Variants in ZNF112 observed in about 807,000 individuals in gnomAD.
ZNF112 encodes zinc finger protein 112.
ZNF112 carries 37 observed loss-of-function variants against 77.7 expected under a neutral mutation model. The observed-to-expected ratio is 0.48, with a 90% CI of 0.37 to 0.63. The LOEUF is 0.63. Ranked by LOEUF, ZNF112 falls within the 20% of genes least tolerant of loss-of-function variation. The probability of loss-of-function intolerance (pLI) is 0.00; values close to 1 mark genes in which losing one functional copy is unlikely to be tolerated. For missense variants in ZNF112, 950 were observed against 1,077.4 expected (o/e 0.88, Z 1.66); for synonymous variants, 333 against 363.6 (o/e 0.92, Z 0.96).
chr19:44,366,746 T>C (rs188040529), intron 1 of ZNF112, among the ~76,000 whole-genome samples: 1 of 151,462 alleles, frequency 6.6e-6, no homozygotes, highest in Non-Finnish European at 1.5e-5. Flanking sequence ...GGAACTCTGA[T>C]TTCTTCCCAG....
chr19:44,331,159 A>G (rs1333234798), intron 3 of ZNF112, among the ~76,000 whole-genome samples: 1 of 152,226 alleles, frequency 6.6e-6, no homozygotes, highest in Non-Finnish European at 1.5e-5. Flanking sequence ...TTTTCAAAAG[A>G]TATTTCACAA....
chr19:44,358,130 C>T (rs1212943441), upstream of ZNF112, among the ~76,000 whole-genome samples: 12 of 126,844 alleles, frequency 9.5e-5, no homozygotes, highest in Middle Eastern at 5.6e-3. Flanking sequence ...CCAGCCTGGG[C>T]AACAGAGCGA....
At chr19:44,336,853 A>T in intron 2 of ZNF112, 135 bp from the exon 3 acceptor site, 1 of 628,524 alleles carries the variant, frequency 1.6e-6, no homozygotes, top group Non-Finnish European at 2.8e-6. Flanking sequence ...TCCACTCACT[A>T]TAAGAAACTA....
chr19:44,353,930 G>C (rs1970737591), intron 1 of ZNF112, among the ~76,000 whole-genome samples: 1 of 152,000 alleles, frequency 6.6e-6, no homozygotes, highest in Non-Finnish European at 1.5e-5. Context: ...GTTTATATCA[G>C]CTCTATTCAT....
Position 44,328,107 on chromosome 19 carries a change from C to G in ZNF112, c.2050G>C (p.Glu684Gln). 1 of 1,614,038 alleles carries G rather than the reference C, an allele frequency of 6.2e-7. No individual in the cohort carries two copies. The highest frequency in any genetic ancestry group is 8.5e-7 in the Non-Finnish European group (1 of 1,179,994). Reference sequence around the variant, plus strand: ...CACTCATCACATTGGTATGGCTTCTCTCCCGTGTGGACCCTCTGATGGGCC... The same window carrying G: ...CACTCATCACATTGGTATGGCTTCTGTCCCGTGTGGACCCTCTGATGGGCC... ...LLAHQRVHTGEKPYQCDECGK... is the reference protein window; with the variant it reads ...LLAHQRVHTGQKPYQCDECGK... The change falls in exon 4 of 4, where the codon GAG becomes CAG. Residue 684 changes from glutamate to glutamine, a missense_variant. Transcript: ENST00000354340.
chr19:44,345,187 G>A (rs1185324535), intron 1 of ZNF112, among the ~76,000 whole-genome samples: 1 of 152,136 alleles, frequency 6.6e-6, no homozygotes, highest in South Asian at 2.1e-4. Context: ...AATCCCCCAG[G>A]TGACTACAGT....
Position 44,327,266 on chromosome 19 carries a change from A to C in ZNF112, c.*167T>G. The C allele has an allele frequency of 1.7e-6, 1 of 593,512 alleles. No homozygotes were observed. The highest frequency in any genetic ancestry group is 2.9e-6 in the Non-Finnish European group (1 of 344,154). The allele number at this position is 593,512 out of a possible 1,614,324, so 36.8% of individuals were successfully genotyped here. A position where few individuals can be genotyped will look rare whatever the true frequency, so the allele number is the denominator to read the frequency against. ...TGCAATGACTGATGTTAAAGTTCTA[A>C]CAAAATCCCTCGTGAAACCCCTCTC... On this transcript the variant is annotated 3_prime_UTR_variant, in exon 4 of 4. Transcript: ENST00000354340.
intron 2 of ZNF112, among the ~76,000 whole-genome samples, chr19:44,339,153 C>G (rs935440425): frequency 6.6e-6 from 1 of 152,124 alleles, no homozygotes; most frequent in Non-Finnish European, 1.5e-5. Flanking sequence ...GTCCTGAGAA[C>G]AGGTAAGAGA....
At chr19:44,337,918 G>A (rs1168717358) in intron 2 of ZNF112, among the ~76,000 whole-genome samples, 2 of 134,500 alleles carry the variant, frequency 1.5e-5, no homozygotes, top group African/African-American at 5.5e-5. Flanking sequence ...ATAGATCATA[G>A]ATACTACAGT....
rs1316850015 is a variant in ZNF112 at position 44,328,511 on chromosome 19, C to A, written c.1646G>T (p.Cys549Phe). The A allele has an allele frequency of 6.3e-7, 1 of 1,597,566 alleles. No individual in the cohort carries two copies. Among genetic ancestry groups the A allele is most frequent in the Admixed American group, 1.7e-5 (1 of 59,052 alleles). ...RVHTGEKPYK[C>F]EECDKGFSRS... The stretch of plus-strand genomic sequence containing the variant: ...ACTGAATCCCTTATCACATTCCTCG[C>A]ATTTATAAGGTTTCTCTCCTGTGTG... The change falls in exon 4 of 4, where the codon TGC (cysteine) becomes TTC (phenylalanine). Residue 549 changes from cysteine to phenylalanine, a missense_variant. Cys to Phe is a radical substitution (Grantham distance 205, BLOSUM62 -2). Coordinates refer to ENST00000354340, the MANE Select transcript of ZNF112 (RefSeq NM_013380.4).
Position 44,328,754 on chromosome 19 carries a change from T to A in ZNF112, c.1403A>T (p.Tyr468Phe). Residue 468 changes from tyrosine (Y) to phenylalanine (F), a missense_variant, in exon 4 of 4, where the codon TAT (tyrosine) becomes TTT (phenylalanine). Around this residue, in one of 3 missense-constraint regions of ZNF112, gnomAD observed 560 missense variants for 557.3 expected, o/e 1.00. Coordinates refer to ENST00000354340, the MANE Select transcript of ZNF112 (RefSeq NM_013380.4). ...ATGGCTGAAGCTGTTACTACACACATAGCGTTTATATGGTTGTTCCTTAGT... is the reference window on the plus strand; with the variant it reads ...ATGGCTGAAGCTGTTACTACACACAAAGCGTTTATATGGTTGTTCCTTAGT... ...VHTKEQPYKR[Y>F]VCSNSFSHNL... The A allele has an allele frequency of 6.2e-7, 1 of 1,614,074 alleles. No homozygotes were observed.
At chr19:44,342,022 G>T in intron 1 of ZNF112, among the ~76,000 whole-genome samples, 1 of 149,990 alleles carries the variant, frequency 6.7e-6, no homozygotes, top group East Asian at 2.1e-4. Context: ...TCTTAACAGT[G>T]CAAACGACTC....
At chr19:44,360,600 TC>T (rs1358116351), upstream of ZNF112, among the ~76,000 whole-genome samples, 1 of 152,216 alleles carries the variant, frequency 6.6e-6, no homozygotes, top group Non-Finnish European at 1.5e-5. Context: ...TGCCAACTAA[TC>T]TAATTAATTT....
In ZNF112 at chr19:44,329,404, G is replaced by C. The variant is rs376611205; in HGVS notation, c.753C>G (p.Pro251=). The part of the protein sequence containing the change: ...NQESIQTEEK[P]YPCTGYRKAF... ...CTTTTCTATACCCAGTACATGGATA[G>C]GGCTTCTCCTCTGTTTGAATTGACT... Residue 251 remains proline (P), a synonymous_variant, in exon 4 of 4, where the codon CCC becomes CCG. Coordinates refer to ENST00000354340, the MANE Select transcript of ZNF112 (RefSeq NM_013380.4). The C allele has an allele frequency of 5.1e-5, 83 of 1,613,992 alleles. No individual in the cohort carries two copies. The highest frequency in any genetic ancestry group is 4.7e-4 in the East Asian group (21 of 44,862).
Position 44,328,602 on chromosome 19 carries a change from A to G in ZNF112, c.1555T>C (p.Tyr519His), listed in dbSNP as rs553591871. Residue 519 changes from tyrosine (Y) to histidine (H), a missense_variant, in exon 4 of 4, where the codon TAC (tyrosine) becomes CAC (histidine). Tyr to His is a moderately conservative substitution (Grantham distance 83, BLOSUM62 2). Coordinates refer to ENST00000354340, the MANE Select transcript of ZNF112 (RefSeq NM_013380.4). ...HQRVHTGQKP[Y>H]KCNICGKGFN... is the part of the protein sequence containing the mutation. ...CCTTTGCCGCATATATTGCATTTGT[A>G]TGGCTTCTGTCCAGTGTGGACTCTC... The G allele has an allele frequency of 6.0e-5, 97 of 1,614,062 alleles. No individual in the cohort carries two copies. Among genetic ancestry groups the G allele is most frequent in the Non-Finnish European group, 7.7e-5 (91 of 1,180,004 alleles).
In ZNF112 at chr19:44,340,516, A is replaced by G; in HGVS notation, c.24T>C (p.Ala8=). Residue 8 remains alanine, a synonymous_variant, in exon 2 of 4, where the codon GCT becomes GCC. Coordinates refer to ENST00000354340, the MANE Select transcript of ZNF112 (RefSeq NM_013380.4). ...CCAGCTCCTCCTCAGTGAAGACCAC[A>G]GCAACATCCTTGAATGTCACCATCT... The part of the protein sequence containing the change: MVTFKDV[A]VVFTEEELGL... The G allele has an allele frequency of 6.2e-7, 1 of 1,614,082 alleles. No homozygotes were observed. Among genetic ancestry groups the G allele is most frequent in the Non-Finnish European group, 8.5e-7 (1 of 1,179,976 alleles).
At position 44,354,701 on chromosome 19, in the gene ZNF112, T is replaced by C. The variant is rs574396638; in HGVS notation, c.-4+1925A>G. Reference sequence around the variant, plus strand: ...AAACCCTTAACAACCTTGTACGATGTGCTGGGCACATGGAGAAAAGTATGA... The same window carrying C: ...AAACCCTTAACAACCTTGTACGATGCGCTGGGCACATGGAGAAAAGTATGA... On this transcript the variant is annotated intron_variant, in intron 1 of 3. Coordinates refer to ENST00000354340, the MANE Select transcript of ZNF112 (RefSeq NM_013380.4). Among the ~76,000 whole-genome samples, 4 of 152,318 alleles carry C rather than the reference T, an allele frequency of 2.6e-5. No homozygotes were observed. The South Asian group carries it at 8.3e-4, about 32-fold the overall frequency.
At chr19:44,342,962 T>TA (rs1254945323) in intron 1 of ZNF112, among the ~76,000 whole-genome samples, 20 of 152,022 alleles carry the variant, frequency 1.3e-4, no homozygotes, top group Non-Finnish European at 2.5e-4. Flanking sequence ...CAGTTATATT[T>TA]AAAAAAATGA....
chr19:44,330,345 C>T (rs1406245202), intron 3 of ZNF112, among the ~76,000 whole-genome samples: 1 of 152,188 alleles, frequency 6.6e-6, no homozygotes, highest in African/African-American at 2.4e-5. Context: ...ATACAAATAG[C>T]ATCTACATAA....
Sources: gnomAD v4.1 joint callset for allele counts (sites outside exome capture counted in the v4.1 genomes callset) on GRCh38, gnomAD v4.1.1 for gene constraint, gnomAD v4.1.1 regional missense constraint, MANE v1.5 for transcripts, NCBI Gene and HGNC (gene_info 2026-07-23, HGNC 2026-07-21) for gene names.